RBFOX1: variants seen among roughly 807,000 people sequenced by gnomAD.
The protein encoded by RBFOX1 is RNA binding protein fox-1 homolog 1.
Under a neutral mutation model 57.7 loss-of-function variants are expected in RBFOX1, and 8 were observed. The ratio of observed to expected loss-of-function variants is 0.14; its 90% CI spans 0.08 to 0.25. The LOEUF is 0.25. RBFOX1 is among the 10% of genes least tolerant of loss of function. The pLI is 1.00. For synonymous variants in RBFOX1, 326 were observed against 222.4 expected (o/e 1.47, Z -4.15); for missense variants, 611 against 548.5 (o/e 1.11, Z -1.14).
intron 3 of RBFOX1, among the ~76,000 whole-genome samples, chr16:6,867,221 T>C (rs1328830209): frequency 3.9e-5 from 6 of 151,940 alleles, no homozygotes; most frequent in Non-Finnish European, 7.4e-5. Flanking sequence ...AGTCTTTCTG[T>C]AGGGGAAAAA....
In RBFOX1 at chr16:6,496,371, A is replaced by G. The variant is rs138641641; in HGVS notation, c.-63-158232A>G. Among the ~76,000 whole-genome samples, 903 of 152,316 alleles carry G rather than the reference A, an allele frequency of 5.9e-3. 4 individuals are homozygous for G. The highest frequency in any genetic ancestry group is 0.048 in the Middle Eastern group (14 of 294). On this transcript the variant is annotated intron_variant, in intron 2 of 15. Transcript: ENST00000550418. ...TTTTCATTTGAACAAGTGGATTGGG[A>G]ACCTGCTTTGCGGCAGGCGTTTGTG...
intron 4 of RBFOX1, among the ~76,000 whole-genome samples, chr16:5,924,589 G>C (rs1310223225): frequency 6.6e-6 from 1 of 152,136 alleles, no homozygotes; most frequent in African/African-American, 2.4e-5. Context: ...ACCATAAGTA[G>C]AAGTAGCCTG....
intron 3 of RBFOX1, among the ~76,000 whole-genome samples, chr16:5,827,474 G>A (rs2056105138): frequency 6.6e-6 from 1 of 150,484 alleles, no homozygotes; most frequent in Non-Finnish European, 1.5e-5. Context: ...CACAGTAGTT[G>A]AAGACAACTC....
chr16:6,803,440 G>A (rs953311280), intron 3 of RBFOX1, among the ~76,000 whole-genome samples: 1 of 152,024 alleles, frequency 6.6e-6, no homozygotes, highest in African/African-American at 2.4e-5. Flanking sequence ...TTCTGGCCTT[G>A]GAAAAACAAA....
chr16:6,001,249 G>A (rs1304161292), intron 4 of RBFOX1, among the ~76,000 whole-genome samples: 1 of 152,102 alleles, frequency 6.6e-6, no homozygotes, highest in Admixed American at 6.6e-5. Context: ...AGTTGGTCCT[G>A]GAATTCTGAT....
At chr16:7,635,083 T>A (rs373883260) in intron 11 of RBFOX1, among the ~76,000 whole-genome samples, 54 of 152,320 alleles carry the variant, frequency 3.5e-4, no homozygotes, top group African/African-American at 1.2e-3. Context: ...ACTAGGTGTA[T>A]TATTGCCAGC....
At chr16:6,228,742 G>T (rs929897168) in intron 1 of RBFOX1, among the ~76,000 whole-genome samples, 1 of 152,064 alleles carries the variant, frequency 6.6e-6, no homozygotes, top group African/African-American at 2.4e-5. Context: ...GTACAATATG[G>T]AGAAATCATA....
intron 2 of RBFOX1, among the ~76,000 whole-genome samples, chr16:6,373,912 G>A (rs893245698): frequency 6.6e-6 from 1 of 152,132 alleles, no homozygotes; most frequent in African/African-American, 2.4e-5. Context: ...GATAGTAGGT[G>A]TTCATTCAGT....
At chr16:6,756,961 G>A (rs1358401491) in intron 3 of RBFOX1, among the ~76,000 whole-genome samples, 3 of 149,320 alleles carry the variant, frequency 2.0e-5, no homozygotes, top group Non-Finnish European at 4.4e-5. Flanking sequence ...GGCACCAAGG[G>A]CGAAACTCCA....
In RBFOX1 at chr16:7,135,007, A is replaced by G. The variant is rs573565982; in HGVS notation, c.27+82909A>G. On this transcript the variant is annotated intron_variant, in intron 4 of 15. Transcript: ENST00000550418. ...CAATCTTTGCAAAGTGGGATTCCAC[A>G]CTGACAATACAGAGATATCATTCTG... Among the ~76,000 whole-genome samples the G allele has an allele frequency of 1.7e-4, 26 of 152,074 alleles. No homozygotes were observed. In the East Asian group the frequency reaches 4.6e-3, roughly 27 times the overall value.
In RBFOX1 at chr16:7,200,177, C is replaced by T. The variant is rs565963111; in HGVS notation, c.27+148079C>T. 9.8e-5 allele frequency among the ~76,000 whole-genome samples: 15 copies of T among 152,296 alleles called. 1 individual carries two copies. The Middle Eastern group carries it at 0.01, about 104-fold the overall frequency. ...TTGGGCCTCCACCTGGAATATAATGCAAAATCCTAGGAAGTAGTGACTTTT... is the reference window on the plus strand; with the variant it reads ...TTGGGCCTCCACCTGGAATATAATGTAAAATCCTAGGAAGTAGTGACTTTT... On this transcript the variant is annotated intron_variant, in intron 4 of 15. Coordinates refer to ENST00000550418, the MANE Select transcript of RBFOX1 (RefSeq NM_018723.4).
intron 3 of RBFOX1, among the ~76,000 whole-genome samples, chr16:5,789,969 C>G (rs537445470): frequency 3.9e-5 from 6 of 152,226 alleles, no homozygotes; most frequent in East Asian, 3.9e-4. Flanking sequence ...GACCTCTACA[C>G]CTCACGGGCT....
intron 1 of RBFOX1, among the ~76,000 whole-genome samples, chr16:5,245,899 A>G (rs1300832164): frequency 1.3e-5 from 2 of 152,242 alleles, no homozygotes; most frequent in African/African-American, 4.8e-5. Flanking sequence ...TAGAGAAATT[A>G]CCACTTATAG....
chr16:7,078,448 A>T (rs1194551850), intron 4 of RBFOX1, among the ~76,000 whole-genome samples: 1 of 152,100 alleles, frequency 6.6e-6, no homozygotes, highest in Non-Finnish European at 1.5e-5. Flanking sequence ...CCCGGATTCA[A>T]GCGGTTCTCC....
At chr16:7,322,470 G>T (rs756508960) in intron 4 of RBFOX1, among the ~76,000 whole-genome samples, 4 of 152,216 alleles carry the variant, frequency 2.6e-5, no homozygotes, top group Non-Finnish European at 5.9e-5. Flanking sequence ...TTGACTTTGC[G>T]CATGCCTGCC....
chr16:5,740,443 G>A (rs1174484813), intron 3 of RBFOX1, among the ~76,000 whole-genome samples: 2 of 152,200 alleles, frequency 1.3e-5, no homozygotes, highest in South Asian at 2.1e-4. Context: ...ACTATTCAAA[G>A]CACATTGTGT....
intron 3 of RBFOX1, among the ~76,000 whole-genome samples, chr16:6,679,989 G>A (rs1398608604): frequency 6.7e-6 from 1 of 148,212 alleles, no homozygotes; most frequent in Non-Finnish European, 1.5e-5. Context: ...AGGCAAGACA[G>A]GATGGTTGAA....
intron 3 of RBFOX1, among the ~76,000 whole-genome samples, chr16:6,877,098 A>T (rs2061985582): frequency 6.6e-6 from 1 of 152,232 alleles, no homozygotes; most frequent in African/African-American, 2.4e-5. Context: ...CTTAACAAGC[A>T]TAGGCAGTCC....
intron 2 of RBFOX1, among the ~76,000 whole-genome samples, chr16:6,622,434 T>C (rs2098246513): frequency 6.6e-6 from 1 of 152,214 alleles, no homozygotes; most frequent in Non-Finnish European, 1.5e-5. Context: ...TAACAAGCTG[T>C]ACAGGCTTGT....
Sources: allele counts gnomAD v4.1 joint callset (sites outside exome capture counted in the v4.1 genomes callset), GRCh38; gene constraint gnomAD v4.1.1; transcripts MANE v1.5; gene names NCBI Gene and HGNC (gene_info 2026-07-23, HGNC 2026-07-21).